Variants in RIT2 observed in about 807,000 individuals in gnomAD.
The protein encoded by RIT2 is GTP-binding protein Rit2.
RIT2 carries 24 observed loss-of-function variants against 23.7 expected under a neutral mutation model. The ratio of observed to expected loss-of-function variants is 1.01; its 90% CI spans 0.73 to 1.43. The LOEUF is 1.43. Ranked by LOEUF, RIT2 falls within the 40% of genes most tolerant of loss-of-function variation. The probability of loss-of-function intolerance (pLI) is 0.00; values close to 1 mark genes in which losing one functional copy is unlikely to be tolerated. For missense variants in RIT2, 236 were observed against 266.9 expected (o/e 0.88, Z 0.81); for synonymous variants, 107 against 91.1 (o/e 1.17, Z -0.99).
intron 4 of RIT2, among the ~76,000 whole-genome samples, chr18:42,894,267 T>C (rs1908262114): frequency 6.6e-6 from 1 of 152,204 alleles, no homozygotes; most frequent in South Asian, 2.1e-4. Flanking sequence ...TGCATTGATG[T>C]CACAAACCAT....
intron 4 of RIT2, among the ~76,000 whole-genome samples, chr18:42,909,028 T>C (rs115946605): frequency 6.6e-6 from 1 of 152,078 alleles, no homozygotes; most frequent in Non-Finnish European, 1.5e-5. Context: ...CATCCACACA[T>C]GTTTATAGCA....
chr18:42,799,062 ATTAACTTCAGCAGT>A (rs545159797), intron 4 of RIT2, among the ~76,000 whole-genome samples: 3 of 152,222 alleles, frequency 2.0e-5, no homozygotes, highest in Non-Finnish European at 4.4e-5. Context: ...CTGTCAACAT[ATTAACTTCAGCAGT>A]TATCAGGAGG....
intron 1 of RIT2, among the ~76,000 whole-genome samples, chr18:43,083,586 A>G (rs578241718): frequency 5.9e-5 from 9 of 152,228 alleles, no homozygotes; most frequent in African/African-American, 2.2e-4. Flanking sequence ...TACATCTACA[A>G]CCATCTGATC....
At chr18:42,849,478 A>G (rs1047232522) in intron 4 of RIT2, among the ~76,000 whole-genome samples, 1 of 152,154 alleles carries the variant, frequency 6.6e-6, no homozygotes, top group Non-Finnish European at 1.5e-5. Context: ...AAGTCAACTC[A>G]TAGTCTTTTT....
At chr18:42,760,850 T>C (rs1414629132) in intron 4 of RIT2, among the ~76,000 whole-genome samples, 3 of 152,166 alleles carry the variant, frequency 2.0e-5, no homozygotes, top group Non-Finnish European at 4.4e-5. Flanking sequence ...TGCATCCTAA[T>C]ATGAGTGAGA....
intron 4 of RIT2, among the ~76,000 whole-genome samples, chr18:42,863,242 T>C (rs374244178): frequency 3.0e-4 from 46 of 152,290 alleles, no homozygotes; most frequent in African/African-American, 1.1e-3. Flanking sequence ...TAGACAAGCA[T>C]ATCTAATTTG....
chr18:42,918,784 TG>T, intron 4 of RIT2, among the ~76,000 whole-genome samples: 1 of 152,256 alleles, frequency 6.6e-6, no homozygotes, highest in Middle Eastern at 3.4e-3. Context: ...CTACTGCTTG[TG>T]TACACTCCTA....
chr18:42,750,654 T>C (rs996039301), intron 4 of RIT2, among the ~76,000 whole-genome samples: 2 of 151,836 alleles, frequency 1.3e-5, no homozygotes, highest in African/African-American at 4.8e-5. Flanking sequence ...TAGGTTATGC[T>C]AACAAATACA....
At chr18:42,845,118 A>T (rs938724888) in intron 4 of RIT2, among the ~76,000 whole-genome samples, 3 of 152,156 alleles carry the variant, frequency 2.0e-5, no homozygotes, top group Non-Finnish European at 2.9e-5. Flanking sequence ...TCAGCAAAAA[A>T]AAAATCTTGA....
chr18:42,831,022 G>A (rs75552018), intron 4 of RIT2, among the ~76,000 whole-genome samples: 2 of 152,036 alleles, frequency 1.3e-5, no homozygotes, highest in Admixed American at 1.3e-4. Flanking sequence ...TTTTCTTATT[G>A]CATAATGAAA....
intron 2 of RIT2, among the ~76,000 whole-genome samples, chr18:42,995,280 C>G (rs62089959): frequency 0.078 from 11,848 of 151,488 alleles, 600 homozygotes; most frequent in East Asian, 0.19. Context: ...CAGGCCCCCT[C>G]CCTTCCCTAC....
At chr18:42,799,330 A>C (rs952237827) in intron 4 of RIT2, among the ~76,000 whole-genome samples, 4 of 152,220 alleles carry the variant, frequency 2.6e-5, no homozygotes, top group Non-Finnish European at 5.9e-5. Flanking sequence ...CAAACCCTTT[A>C]CCTAAAGTAG....
At chr18:43,052,699 T>C (rs1022951508) in intron 1 of RIT2, among the ~76,000 whole-genome samples, 1 of 152,126 alleles carries the variant, frequency 6.6e-6, no homozygotes, top group Non-Finnish European at 1.5e-5. Flanking sequence ...CTCATAACAT[T>C]TAGCTCAGTT....
chr18:42,776,717 A>C (rs1340436443), intron 4 of RIT2, among the ~76,000 whole-genome samples: 1 of 151,866 alleles, frequency 6.6e-6, no homozygotes, highest in African/African-American at 2.4e-5. Context: ...CAAGAGCCTA[A>C]ATTCAATTTA....
intron 2 of RIT2, among the ~76,000 whole-genome samples, chr18:43,006,054 A>T (rs1195702263): frequency 6.6e-6 from 1 of 151,758 alleles, no homozygotes; most frequent in Non-Finnish European, 1.5e-5. Flanking sequence ...TTGGAAAAAA[A>T]AAATTGAGAA....
At chr18:42,906,718 T>C (rs1186661205) in intron 4 of RIT2, among the ~76,000 whole-genome samples, 1 of 152,218 alleles carries the variant, frequency 6.6e-6, no homozygotes, top group Non-Finnish European at 1.5e-5. Flanking sequence ...TTAATTGCCA[T>C]TTATGGAACA....
At chr18:42,850,433 G>T (rs1044715500) in intron 4 of RIT2, among the ~76,000 whole-genome samples, 1 of 152,120 alleles carries the variant, frequency 6.6e-6, no homozygotes, top group Admixed American at 6.6e-5. Flanking sequence ...CATAAATCTG[G>T]TGGCAGACCA....
intron 3 of RIT2, among the ~76,000 whole-genome samples, 162 bp from the exon 4 acceptor site, chr18:42,923,925 AAACAGC>A (rs892855217): frequency 6.6e-6 from 1 of 152,124 alleles, no homozygotes; most frequent in African/African-American, 2.4e-5. Context: ...AAAACATATT[AAACAGC>A]AATTTTTACT....
At chr18:42,795,910 A>AGTGGGGACGT (rs1317107492) in intron 4 of RIT2, among the ~76,000 whole-genome samples, 1 of 152,058 alleles carries the variant, frequency 6.6e-6, no homozygotes, top group Non-Finnish European at 1.5e-5. Context: ...TAGTTAATCT[A>AGTGGGGACGT]GTGGGGACGT....
Sources: gnomAD v4.1 joint callset for allele counts (sites outside exome capture counted in the v4.1 genomes callset) on GRCh38, gnomAD v4.1.1 for gene constraint, MANE v1.5 for transcripts, NCBI Gene and HGNC (gene_info 2026-07-23, HGNC 2026-07-21) for gene names.